Variants in KIAA1958 observed in about 807,000 individuals in gnomAD.
KIAA1958 encodes the protein KIAA1958.
A neutral mutation model predicts 47.2 loss-of-function variants in KIAA1958; 14 were observed. The observed-to-expected ratio is 0.30, with a 90% confidence interval of 0.20 to 0.46. The LOEUF (loss-of-function observed/expected upper bound fraction) is 0.46, where lower values mean the gene tolerates loss of function less well. Among genes scored for constraint, KIAA1958 ranks in the 20% least tolerant of loss-of-function variants. KIAA1958 has a pLI of 1.00. For synonymous variants in KIAA1958, 354 were observed against 353.3 expected, an observed-to-expected ratio of 1.00 and a Z score of -0.02; for missense variants, 803 against 909.2, an observed-to-expected ratio of 0.88 and a Z score of 1.50.
At chr9:112,553,032 G>A (rs1255405923) in intron 1 of KIAA1958, among the ~76,000 whole-genome samples, 1 of 151,926 alleles carries the variant, frequency 6.6e-6, no homozygotes, top group African/African-American at 2.4e-5. Context: ...GATCACTTTG[G>A]TTTGAATCCT....
intron 1 of KIAA1958, among the ~76,000 whole-genome samples, chr9:112,526,160 T>G (rs1031684778): frequency 7.8e-5 from 2 of 25,628 alleles, no homozygotes; most frequent in African/African-American, 3.1e-4. Flanking sequence ...ATATTTCCAT[T>G]GATGAATTCT....
chr9:112,550,185 T>C (rs1447238207), intron 1 of KIAA1958, among the ~76,000 whole-genome samples: 1 of 150,922 alleles, frequency 6.6e-6, no homozygotes, highest in Non-Finnish European at 1.5e-5. Flanking sequence ...GAGCCTTTGA[T>C]GGAGAGTTTG....
At position 112,574,752 on chromosome 9, in the gene KIAA1958, T is replaced by C. The variant is rs113338228; in HGVS notation, c.672T>C (p.Asp224=). 3 of 1,614,162 alleles carry C rather than the reference T, an allele frequency of 1.9e-6. No homozygotes were observed. Among genetic ancestry groups the C allele is most frequent in the East Asian group, 2.2e-5 (1 of 44,872 alleles). The change falls in exon 2 of 4, where the codon GAT becomes GAC. Residue 224 remains aspartate (D), a synonymous_variant. Coordinates refer to ENST00000337530, the MANE Select transcript of KIAA1958 (RefSeq NM_133465.4). The part of the protein sequence containing the change: ...VANAELTGGV[D]GPALSLTQMA... ...ATGCAGAACTGACAGGAGGAGTAGATGGACCAGCCCTGTCCTTGACACAGA... is the reference window on the plus strand; with the variant it reads ...ATGCAGAACTGACAGGAGGAGTAGACGGACCAGCCCTGTCCTTGACACAGA...
At chr9:112,639,051 T>C (rs1836854372) in intron 2 of KIAA1958, among the ~76,000 whole-genome samples, 1 of 152,214 alleles carries the variant, frequency 6.6e-6, no homozygotes, top group Non-Finnish European at 1.5e-5. Flanking sequence ...CTGCAAGTGA[T>C]TTCCTGTGAT....
chr9:112,558,097 C>T (rs895433208), intron 1 of KIAA1958, among the ~76,000 whole-genome samples: 9 of 151,880 alleles, frequency 5.9e-5, no homozygotes, highest in African/African-American at 2.2e-4. Flanking sequence ...TCGTGGTGCG[C>T]GCCTGTAGTC....
chr9:112,528,869 T>C (rs867814068), intron 1 of KIAA1958, among the ~76,000 whole-genome samples: 6 of 152,220 alleles, frequency 3.9e-5, no homozygotes, highest in African/African-American at 1.2e-4. Context: ...TTCTGGATTA[T>C]GGTAAAGATA....
intron 1 of KIAA1958, among the ~76,000 whole-genome samples, chr9:112,490,679 A>C (rs1833953236): frequency 6.6e-6 from 1 of 152,246 alleles, no homozygotes; most frequent in Non-Finnish European, 1.5e-5. Flanking sequence ...ATCCAATGCC[A>C]ACAAAGTTTA....
chr9:112,655,124 A>G (rs919912293), intron 3 of KIAA1958, among the ~76,000 whole-genome samples: 24 of 152,170 alleles, frequency 1.6e-4, no homozygotes, highest in African/African-American at 5.1e-4. Context: ...TAGTAAGAGG[A>G]TCTTTTTCTT....
intron 2 of KIAA1958, among the ~76,000 whole-genome samples, chr9:112,613,826 A>G (rs1055359075): frequency 6.6e-6 from 1 of 152,156 alleles, no homozygotes; most frequent in African/African-American, 2.4e-5. Context: ...GGGAAAGTAA[A>G]TTGATATGAC....
rs193007870 is a variant in KIAA1958 at position 112,553,847 on chromosome 9, T to C, written c.-24-20210T>C. Among the ~76,000 whole-genome samples, 112 of 152,342 alleles carry C rather than the reference T, an allele frequency of 7.4e-4. 1 individual carries two copies. Among genetic ancestry groups the C allele is most frequent in the African/African-American group, 2.6e-3 (109 of 41,576 alleles). On this transcript the variant is annotated intron_variant, in intron 1 of 3. Transcript: ENST00000337530. Reference sequence around the variant, plus strand: ...TAAATGAGAGTAAGAACCATGTTTATTTTTTGTGCACATTGTTCACAAGGC... The same window carrying C: ...TAAATGAGAGTAAGAACCATGTTTACTTTTTGTGCACATTGTTCACAAGGC...
intron 1 of KIAA1958, among the ~76,000 whole-genome samples, chr9:112,495,668 T>G (rs1834041014): frequency 6.6e-6 from 1 of 152,210 alleles, no homozygotes; most frequent in East Asian, 1.9e-4. Context: ...TGTGACTCAT[T>G]AGTTCTACTG....
At chr9:112,503,100 T>C (rs993735638) in intron 1 of KIAA1958, among the ~76,000 whole-genome samples, 10 of 151,690 alleles carry the variant, frequency 6.6e-5, no homozygotes, top group South Asian at 2.1e-4. Context: ...ATAAGTAAAA[T>C]AACATGTAAG....
At chr9:112,649,862 A>C (rs1179014839) in intron 3 of KIAA1958, among the ~76,000 whole-genome samples, 1 of 152,198 alleles carries the variant, frequency 6.6e-6, no homozygotes, top group Non-Finnish European at 1.5e-5. Flanking sequence ...GAAGTCCTTC[A>C]GCCAGAAGGA....
intron 1 of KIAA1958, among the ~76,000 whole-genome samples, chr9:112,555,118 AT>A (rs1349173653): frequency 1.3e-5 from 2 of 152,186 alleles, no homozygotes; most frequent in African/African-American, 4.8e-5. Context: ...TCCCAGAAAA[AT>A]TAGTGGGTGA....
chr9:112,493,252 A>G (rs1218420139), intron 1 of KIAA1958, among the ~76,000 whole-genome samples: 2 of 151,816 alleles, frequency 1.3e-5, no homozygotes, highest in Admixed American at 6.6e-5. Context: ...TGATTCCTGA[A>G]TCTAATATCT....
chr9:112,605,297 CTA>C (rs1341176620), intron 2 of KIAA1958, among the ~76,000 whole-genome samples: 3 of 152,050 alleles, frequency 2.0e-5, no homozygotes, highest in Non-Finnish European at 4.4e-5. Context: ...TTTTTACAAA[CTA>C]TGATTTTTTG....
At chr9:112,651,334 A>T (rs552769013) in intron 3 of KIAA1958, among the ~76,000 whole-genome samples, 1 of 151,098 alleles carries the variant, frequency 6.6e-6, no homozygotes, top group Non-Finnish European at 1.5e-5. Flanking sequence ...CTCTGTCCAC[A>T]ATAGAATTAA....
chr9:112,597,510 C>T (rs1439186988), intron 2 of KIAA1958, among the ~76,000 whole-genome samples: 1 of 152,198 alleles, frequency 6.6e-6, no homozygotes, highest in Non-Finnish European at 1.5e-5. Flanking sequence ...TCTTACATGT[C>T]TCAGCATCCT....
intron 1 of KIAA1958, among the ~76,000 whole-genome samples, chr9:112,516,913 G>A (rs528608545): frequency 7.2e-5 from 11 of 152,366 alleles, no homozygotes; most frequent in Admixed American, 2.6e-4. Context: ...GTGATGTACA[G>A]AAAACAGAAG....
Sources: gnomAD v4.1 joint callset for allele counts (sites outside exome capture counted in the v4.1 genomes callset) on GRCh38, gnomAD v4.1.1 for gene constraint, MANE v1.5 for transcripts, NCBI Gene and HGNC (gene_info 2026-07-23, HGNC 2026-07-21) for gene names.